Variants in MAST4 observed in about 807,000 individuals in gnomAD.
MAST4 encodes the protein microtubule associated serine/threonine kinase family member 4.
MAST4 carries 89 observed loss-of-function variants against 162.7 expected under a neutral mutation model. That is an observed-to-expected ratio of 0.55 (90% confidence interval 0.46 to 0.65). The LOEUF is 0.65. Among genes scored for constraint, MAST4 ranks in the 30% least tolerant of loss-of-function variants. The pLI, the probability that MAST4 is intolerant of heterozygous loss-of-function variation, is 0.00. For missense variants in MAST4, 3,153 were observed against 3,374.0 expected (o/e 0.93, Z 1.62); for synonymous variants, 1,479 against 1,361.1 (o/e 1.09, Z -1.91).
chr5:66,664,435 C>CAA (rs58704256), intron 1 of MAST4, among the ~76,000 whole-genome samples: 24 of 93,914 alleles, frequency 2.6e-4, no homozygotes, highest in Middle Eastern at 5.7e-3. Context: ...AACTCCATTT[C>CAA]AAAAAAAAAA....
chr5:66,654,822 A>T (rs1158261974), intron 1 of MAST4, among the ~76,000 whole-genome samples: 1 of 152,150 alleles, frequency 6.6e-6, no homozygotes, highest in Non-Finnish European at 1.5e-5. Context: ...GGTTGCTGGG[A>T]TATGCTTTCT....
At chr5:67,030,455 C>T (rs955068236) in intron 4 of MAST4, among the ~76,000 whole-genome samples, 1 of 152,052 alleles carries the variant, frequency 6.6e-6, no homozygotes. Context: ...AAGAGGTAAC[C>T]ATAGCACTGG....
rs1377850272 is a variant in MAST4 at position 66,782,532 on chromosome 5, G to A, written c.518-6138G>A. Among the ~76,000 whole-genome samples, 4 of 152,262 alleles carry A rather than the reference G, an allele frequency of 2.6e-5. No homozygotes were observed. The East Asian group carries it at 7.7e-4, about 29-fold the overall frequency. On this transcript the variant is annotated intron_variant, in intron 2 of 28. Transcript: ENST00000403625. ...CACCTCTATGGTTGAGACCTGACAC[G>A]CTCTTGTATCAATCCGTCCAACTGA... is the stretch of plus-strand genomic sequence containing the variant.
At chr5:66,638,940 G>C (rs186095826) in intron 1 of MAST4, among the ~76,000 whole-genome samples, 2 of 152,024 alleles carry the variant, frequency 1.3e-5, no homozygotes, top group Non-Finnish European at 2.9e-5. Context: ...AGTAGTTAAG[G>C]GTTCTGTTTT....
chr5:66,699,533 G>A (rs1449012643), intron 1 of MAST4, among the ~76,000 whole-genome samples: 2 of 152,068 alleles, frequency 1.3e-5, no homozygotes, highest in African/African-American at 4.8e-5. Context: ...GTGATAGACT[G>A]GATGAAGAAA....
chr5:66,823,411 A>C (rs984974874), intron 3 of MAST4, among the ~76,000 whole-genome samples: 1 of 152,146 alleles, frequency 6.6e-6, no homozygotes, highest in African/African-American at 2.4e-5. Flanking sequence ...TGTGGTGAGG[A>C]TTTGATGAGA....
intron 3 of MAST4, among the ~76,000 whole-genome samples, chr5:66,830,630 G>A (rs1383077434): frequency 2.6e-5 from 4 of 152,118 alleles, no homozygotes; most frequent in Non-Finnish European, 4.4e-5. Context: ...CCACTTCATG[G>A]TTACAACTTT....
intron 5 of MAST4, among the ~76,000 whole-genome samples, chr5:67,077,204 C>T (rs1761761761): frequency 6.6e-6 from 1 of 151,150 alleles, no homozygotes; most frequent in Admixed American, 6.6e-5. Context: ...TTTTTTTTTC[C>T]AGCAGAATCT....
At position 66,686,840 on chromosome 5, in the gene MAST4, A is replaced by C. The variant is rs146665326; in HGVS notation, c.364-72869A>C. Among the ~76,000 whole-genome samples, 951 of 152,346 alleles carry C rather than the reference A, an allele frequency of 6.2e-3. 1 individual carries two copies. The highest frequency in any genetic ancestry group is 0.014 in the South Asian group (67 of 4,826). On this transcript the variant is annotated intron_variant, in intron 1 of 28. Coordinates refer to ENST00000403625, the MANE Select transcript of MAST4 (RefSeq NM_001164664.2). Reference sequence around the variant, plus strand: ...CATCTTTGGTATCATCAAATACCTAAGTTGGTGCCATGTACATAGAAGACA... The same window carrying C: ...CATCTTTGGTATCATCAAATACCTACGTTGGTGCCATGTACATAGAAGACA...
intron 3 of MAST4, among the ~76,000 whole-genome samples, chr5:66,847,839 A>AAAAAG (rs1168259172): frequency 6.6e-6 from 1 of 150,946 alleles, no homozygotes; most frequent in Non-Finnish European, 1.5e-5. Flanking sequence ...AAAAAAAAAA[A>AAAAAG]AAAAGAAAAA....
rs180891101 is a variant in MAST4 at position 67,102,115 on chromosome 5, A to G, written c.1071-421A>G. Among the ~76,000 whole-genome samples, 53 of 151,882 alleles carry G rather than the reference A, an allele frequency of 3.5e-4. No homozygotes were observed. The East Asian group carries it at 0.01, about 29-fold the overall frequency. On this transcript the variant is annotated intron_variant, in intron 8 of 28. Transcript: ENST00000403625. Reference sequence around the variant, plus strand: ...ATGTGTGGCAGACCGCAGGTGTATGATAAAAGTGTGAAATTATACTGTTAA... The same window carrying G: ...ATGTGTGGCAGACCGCAGGTGTATGGTAAAAGTGTGAAATTATACTGTTAA...
chr5:66,940,847 A>G (rs1418040657), intron 4 of MAST4, among the ~76,000 whole-genome samples: 1 of 152,142 alleles, frequency 6.6e-6, no homozygotes, highest in Non-Finnish European at 1.5e-5. Flanking sequence ...TAGGAAAAAT[A>G]TTTCTTAAAT....
chr5:67,041,741 G>A (rs2150491492), intron 4 of MAST4, among the ~76,000 whole-genome samples: 1 of 152,264 alleles, frequency 6.6e-6, no homozygotes, highest in East Asian at 1.9e-4. Context: ...CGATCCTTCT[G>A]CCTCAGCCTC....
chr5:66,612,604 CAG>C (rs1743364245), intron 1 of MAST4, among the ~76,000 whole-genome samples: 1 of 152,134 alleles, frequency 6.6e-6, no homozygotes, highest in Non-Finnish European at 1.5e-5. Flanking sequence ...GGTTTGGAGA[CAG>C]AGCACACACA....
chr5:67,059,125 A>G (rs1268094079), intron 5 of MAST4, among the ~76,000 whole-genome samples: 1 of 152,176 alleles, frequency 6.6e-6, no homozygotes, highest in Non-Finnish European at 1.5e-5. Flanking sequence ...TTGCCTTTGT[A>G]GGACTGAGTT....
intron 4 of MAST4, among the ~76,000 whole-genome samples, chr5:66,989,286 A>G (rs185806187): frequency 1.3e-5 from 2 of 152,244 alleles, no homozygotes; most frequent in African/African-American, 4.8e-5. Flanking sequence ...CTCCTTGCTC[A>G]TAATCAGGTT....
chr5:66,943,999 A>G (rs1171338622), intron 4 of MAST4, among the ~76,000 whole-genome samples: 1 of 152,176 alleles, frequency 6.6e-6, no homozygotes, highest in Non-Finnish European at 1.5e-5. Context: ...CTTAAAGTAC[A>G]GGTAACCATC....
intron 2 of MAST4, among the ~76,000 whole-genome samples, chr5:66,782,034 C>A (rs1254569829): frequency 6.6e-6 from 1 of 152,056 alleles, no homozygotes; most frequent in Non-Finnish European, 1.5e-5. Flanking sequence ...ACCTGTAACA[C>A]TCCCAGCACT....
intron 5 of MAST4, among the ~76,000 whole-genome samples, chr5:67,086,808 T>C (rs1056413261): frequency 2.6e-5 from 4 of 152,202 alleles, no homozygotes; most frequent in African/African-American, 9.6e-5. Context: ...AGACTCGGGT[T>C]TCACTCCTTC....
Sources: allele counts gnomAD v4.1 joint callset (sites outside exome capture counted in the v4.1 genomes callset), GRCh38; gene constraint gnomAD v4.1.1; transcripts MANE v1.5; gene names NCBI Gene and HGNC (gene_info 2026-07-23, HGNC 2026-07-21).